UST: variants seen among roughly 807,000 people sequenced by gnomAD.
UST encodes the protein uronyl 2-sulfotransferase.
A neutral mutation model predicts 45.6 loss-of-function variants in UST; 21 were observed. The observed-to-expected ratio is 0.46, with a 90% confidence interval of 0.33 to 0.66. The LOEUF (loss-of-function observed/expected upper bound fraction) is 0.66, where lower values mean the gene tolerates loss of function less well. UST is among the 30% of genes least tolerant of loss of function. The probability of loss-of-function intolerance (pLI) is 0.02; values close to 1 mark genes in which losing one functional copy is unlikely to be tolerated. For missense variants in UST, 463 were observed against 512.4 expected, an observed-to-expected ratio of 0.90 and a Z score of 0.93; for synonymous variants, 215 against 200.6, an observed-to-expected ratio of 1.07 and a Z score of -0.61.
chr6:148,939,421 G>A (rs1177245333), intron 2 of UST, among the ~76,000 whole-genome samples: 1 of 152,154 alleles, frequency 6.6e-6, no homozygotes, highest in African/African-American at 2.4e-5. Context: ...AACAAAGTTG[G>A]AGGGACTTAC....
chr6:148,753,243 T>A (rs1776023789), intron 1 of UST, among the ~76,000 whole-genome samples: 1 of 152,176 alleles, frequency 6.6e-6, no homozygotes, highest in Non-Finnish European at 1.5e-5. Context: ...AATTTTAGAT[T>A]TTCATCACCA....
At chr6:148,995,243 G>A (rs987213022) in intron 5 of UST, among the ~76,000 whole-genome samples, 4 of 152,154 alleles carry the variant, frequency 2.6e-5, no homozygotes, top group Non-Finnish European at 4.4e-5. Context: ...GGCTGGTCTC[G>A]AACTCCTGGC....
At chr6:148,924,890 T>C (rs1486351452) in intron 2 of UST, among the ~76,000 whole-genome samples, 2 of 152,144 alleles carry the variant, frequency 1.3e-5, no homozygotes, top group African/African-American at 4.8e-5. Context: ...GTTTTTGAGA[T>C]TCTAAATAAG....
chr6:148,861,191 T>G (rs1004391852), intron 1 of UST, among the ~76,000 whole-genome samples: 4 of 152,230 alleles, frequency 2.6e-5, no homozygotes, highest in Non-Finnish European at 5.9e-5. Context: ...ATTGGTCTAT[T>G]CAGGGATTCA....
chr6:149,028,133 C>T (rs893630828), intron 7 of UST, among the ~76,000 whole-genome samples: 10 of 152,148 alleles, frequency 6.6e-5, no homozygotes, highest in African/African-American at 2.2e-4. Context: ...CGTGATCCAC[C>T]GCGCCCGGCC....
intron 1 of UST, among the ~76,000 whole-genome samples, chr6:148,798,329 T>G (rs1776990273): frequency 6.6e-6 from 1 of 152,052 alleles, no homozygotes; most frequent in African/African-American, 2.4e-5. Context: ...TGTTTCCCCA[T>G]TTGCTAATAT....
intron 1 of UST, among the ~76,000 whole-genome samples, chr6:148,824,674 C>CT (rs535345402): frequency 0.5 from 67,269 of 133,236 alleles, 17,124 homozygotes; most frequent in East Asian, 0.92. Flanking sequence ...TATTTTCTTT[C>CT]TTTTTTTTTT....
chr6:148,930,494 T>G (rs1393280045), intron 2 of UST, among the ~76,000 whole-genome samples: 1 of 152,178 alleles, frequency 6.6e-6, no homozygotes, highest in East Asian at 1.9e-4. Flanking sequence ...TGCTCAATAA[T>G]TACTTGCTGA....
At chr6:149,064,584 G>A (rs1776705248) in intron 7 of UST, among the ~76,000 whole-genome samples, 1 of 152,138 alleles carries the variant, frequency 6.6e-6, no homozygotes, top group African/African-American at 2.4e-5. Context: ...AGATGATATT[G>A]GGCACACCAG....
At chr6:149,055,016 T>G (rs1340048675) in intron 7 of UST, among the ~76,000 whole-genome samples, 1 of 152,158 alleles carries the variant, frequency 6.6e-6, no homozygotes, top group Non-Finnish European at 1.5e-5. Context: ...AAGAAATGTC[T>G]TAGTGAGGGG....
chr6:148,901,130 C>A (rs1306758071), intron 2 of UST, among the ~76,000 whole-genome samples: 1 of 152,222 alleles, frequency 6.6e-6, no homozygotes, highest in Non-Finnish European at 1.5e-5. Context: ...GAGATGAGGA[C>A]ATGGGCATCT....
chr6:148,911,467 T>G (rs1313561161), intron 2 of UST, among the ~76,000 whole-genome samples: 1 of 152,248 alleles, frequency 6.6e-6, no homozygotes, highest in East Asian at 1.9e-4. Flanking sequence ...TCCTGTTGAC[T>G]GACGGAACCT....
intron 1 of UST, among the ~76,000 whole-genome samples, chr6:148,882,360 C>T (rs1778837799): frequency 6.6e-6 from 1 of 151,902 alleles, no homozygotes; most frequent in Non-Finnish European, 1.5e-5. Flanking sequence ...TTGGCGGGTG[C>T]CTGTAATCCC....
In UST at chr6:148,756,088, T is replaced by G. The variant is rs1582790491; in HGVS notation, c.247+8411T>G. ...GTTCTCATTGTTCAATTCCCACCTA[T>G]GAGTGAGAACATGCGGTGTTTGGTT... On this transcript the variant is annotated intron_variant, in intron 1 of 7. Transcript: ENST00000367463. Among the ~76,000 whole-genome samples, 5 of 147,760 alleles carry G rather than the reference T, an allele frequency of 3.4e-5. No individual in the cohort carries two copies. In the South Asian group the frequency reaches 8.7e-4, roughly 26 times the overall value.
chr6:149,013,453 G>C (rs1775848320), intron 5 of UST, among the ~76,000 whole-genome samples: 1 of 151,910 alleles, frequency 6.6e-6, no homozygotes, highest in Non-Finnish European at 1.5e-5. Flanking sequence ...TTGAACCCAG[G>C]AGGCAGAGGC....
At chr6:148,945,089 G>A (rs745327603) in intron 3 of UST, among the ~76,000 whole-genome samples, 3 of 152,202 alleles carry the variant, frequency 2.0e-5, no homozygotes, top group Non-Finnish European at 4.4e-5. Flanking sequence ...AGCATATTGA[G>A]AAGGCACATA....
rs534700596 is a variant in UST, at chr6:148,792,264, A to G, written c.247+44587A>G. Among the ~76,000 whole-genome samples, 23 of 152,328 alleles carry G rather than the reference A, an allele frequency of 1.5e-4. No individual in the cohort carries two copies. In the East Asian group the frequency reaches 4.4e-3, roughly 29 times the overall value. On this transcript the variant is annotated intron_variant, in intron 1 of 7. Coordinates refer to ENST00000367463, the MANE Select transcript of UST (RefSeq NM_005715.3). ...GAATAAATTATGCTTGGCACCGTGC[A>G]GACCAAAATAGATTCAAGTTATGTG...
At chr6:149,042,268 C>CT (rs1304206822) in intron 7 of UST, among the ~76,000 whole-genome samples, 1 of 152,026 alleles carries the variant, frequency 6.6e-6, no homozygotes, top group East Asian at 1.9e-4. Flanking sequence ...TTTTAAAGAG[C>CT]TTTTTTTGTA....
chr6:148,776,186 GTGT>G (rs989758315), intron 1 of UST, among the ~76,000 whole-genome samples: 71 of 152,322 alleles, frequency 4.7e-4, no homozygotes, highest in Admixed American at 2.3e-3. Flanking sequence ...TACCAGCCTG[GTGT>G]TGTTCTGTGT....
Sources: gnomAD v4.1 joint callset for allele counts (sites outside exome capture counted in the v4.1 genomes callset) on GRCh38, gnomAD v4.1.1 for gene constraint, MANE v1.5 for transcripts, NCBI Gene and HGNC (gene_info 2026-07-23, HGNC 2026-07-21) for gene names.